The following CCSER1 variants were observed in gnomAD, a reference collection of about 807,000 sequenced individuals.
CCSER1 encodes coiled-coil serine rich protein 1.
CCSER1 carries 41 observed loss-of-function variants against 82.0 expected under a neutral mutation model. The ratio of observed to expected loss-of-function variants is 0.50; its 90% CI spans 0.39 to 0.65. The LOEUF (loss-of-function observed/expected upper bound fraction) is 0.65, where lower values mean the gene tolerates loss of function less well. Among genes scored for constraint, CCSER1 ranks in the 30% least tolerant of loss-of-function variants. The pLI, the probability that CCSER1 is intolerant of heterozygous loss-of-function variation, is 0.00. For missense variants in CCSER1, 1,119 were observed against 1,064.2 expected (o/e 1.05, Z -0.72); for synonymous variants, 414 against 383.9 (o/e 1.08, Z -0.92).
At chr4:90,747,199 A>C (rs1456636803) in intron 7 of CCSER1, among the ~76,000 whole-genome samples, 6 of 152,308 alleles carry the variant, frequency 3.9e-5, no homozygotes, top group South Asian at 2.1e-4. Flanking sequence ...AATCCTAACA[A>C]GGTTATGCAT....
intron 1 of CCSER1, among the ~76,000 whole-genome samples, chr4:90,258,064 C>A (rs1235558008): frequency 2.6e-5 from 4 of 152,126 alleles, no homozygotes; most frequent in Non-Finnish European, 1.5e-5. Flanking sequence ...GTTTTCCTAG[C>A]TGTTAACTCC....
At chr4:90,713,346 G>T (rs540664806) in intron 6 of CCSER1, among the ~76,000 whole-genome samples, 30 of 151,986 alleles carry the variant, frequency 2.0e-4, no homozygotes, top group African/African-American at 7.2e-4. Flanking sequence ...TGGTAGTGAT[G>T]AATTCCCTAA....
intron 10 of CCSER1, among the ~76,000 whole-genome samples, chr4:91,231,565 A>G (rs187560024): frequency 6.6e-6 from 1 of 151,774 alleles, no homozygotes; most frequent in South Asian, 2.1e-4. Context: ...GATGAAATTT[A>G]TTGTGAGGAA....
At chr4:91,202,957 T>A in intron 10 of CCSER1, among the ~76,000 whole-genome samples, 1 of 151,474 alleles carries the variant, frequency 6.6e-6, no homozygotes, top group Non-Finnish European at 1.5e-5. Context: ...ATGTTGTTGT[T>A]AAAGAATATC....
intron 10 of CCSER1, among the ~76,000 whole-genome samples, chr4:91,468,260 A>G (rs569256362): frequency 6.6e-6 from 1 of 152,268 alleles, no homozygotes; most frequent in African/African-American, 2.4e-5. Context: ...GGACAAAAAA[A>G]CCAAACACTG....
At chr4:91,353,347 G>A (rs982641097) in intron 10 of CCSER1, among the ~76,000 whole-genome samples, 18 of 152,322 alleles carry the variant, frequency 1.2e-4, no homozygotes, top group Admixed American at 2.0e-4. Context: ...AGTGGTCAGA[G>A]AGAAACAGAA....
intron 10 of CCSER1, among the ~76,000 whole-genome samples, chr4:91,393,559 G>A (rs1195645032): frequency 6.6e-6 from 1 of 152,010 alleles, no homozygotes; most frequent in Non-Finnish European, 1.5e-5. Context: ...AAGACAAATG[G>A]ATATTCGTTG....
chr4:91,483,275 G>A (rs571601862), intron 10 of CCSER1, among the ~76,000 whole-genome samples: 1 of 152,212 alleles, frequency 6.6e-6, no homozygotes, highest in South Asian at 2.1e-4. Flanking sequence ...AAAAGGGTAA[G>A]AATTTGATGT....
intron 5 of CCSER1, among the ~76,000 whole-genome samples, chr4:90,552,319 G>A (rs1777617493): frequency 6.6e-6 from 1 of 151,930 alleles, no homozygotes; most frequent in South Asian, 2.1e-4. Flanking sequence ...AACTAATGTG[G>A]TATATACTAG....
At chr4:91,434,997 GTTTGT>G (rs1754563741) in intron 10 of CCSER1, among the ~76,000 whole-genome samples, 1 of 152,110 alleles carries the variant, frequency 6.6e-6, no homozygotes. Flanking sequence ...GTTGTTGTTT[GTTTGT>G]TTTGTCTATG....
intron 10 of CCSER1, among the ~76,000 whole-genome samples, chr4:91,114,965 A>C (rs1378096969): frequency 6.6e-6 from 1 of 152,210 alleles, no homozygotes; most frequent in African/African-American, 2.4e-5. Flanking sequence ...TATTTTATAC[A>C]TGCCGTGAGT....
chr4:91,147,455 C>T (rs1729653736), intron 10 of CCSER1, among the ~76,000 whole-genome samples: 1 of 152,246 alleles, frequency 6.6e-6, no homozygotes, highest in South Asian at 2.1e-4. Flanking sequence ...CGCATACCCT[C>T]CTGCACCAGT....
chr4:90,575,350 A>T (rs1463778952), intron 5 of CCSER1, among the ~76,000 whole-genome samples: 1 of 152,162 alleles, frequency 6.6e-6, no homozygotes, highest in Non-Finnish European at 1.5e-5. Context: ...AGAGTAAGAG[A>T]TAGAAAGGAA....
intron 10 of CCSER1, among the ~76,000 whole-genome samples, chr4:91,095,763 T>A (rs1252265486): frequency 6.6e-6 from 1 of 152,158 alleles, no homozygotes; most frequent in Non-Finnish European, 1.5e-5. Flanking sequence ...AGCCCCTTTT[T>A]TCAGCCCTTC....
chr4:90,419,009 T>C (rs566339032), intron 4 of CCSER1, among the ~76,000 whole-genome samples: 3 of 152,154 alleles, frequency 2.0e-5, no homozygotes, highest in South Asian at 4.1e-4. Context: ...AGCACTGTTA[T>C]TTGTGCATGA....
intron 5 of CCSER1, among the ~76,000 whole-genome samples, chr4:90,532,742 G>A (rs966445625): frequency 7.2e-5 from 11 of 151,980 alleles, no homozygotes; most frequent in Non-Finnish European, 1.0e-4. Flanking sequence ...TACATTTAAA[G>A]GAAATTAGTT....
intron 10 of CCSER1, among the ~76,000 whole-genome samples, chr4:91,128,171 G>A (rs991499232): frequency 6.6e-6 from 1 of 151,876 alleles, no homozygotes; most frequent in African/African-American, 2.4e-5. Context: ...TTCTACCCAG[G>A]CCCACGTGTT....
chr4:90,558,631 A>G (rs190468226), intron 5 of CCSER1, among the ~76,000 whole-genome samples: 2 of 152,234 alleles, frequency 1.3e-5, no homozygotes, highest in Admixed American at 1.3e-4. Context: ...CCTACTGCAT[A>G]CCTGGAACTG....
At chr4:90,854,919 A>T (rs1764288297) in intron 8 of CCSER1, among the ~76,000 whole-genome samples, 1 of 152,166 alleles carries the variant, frequency 6.6e-6, no homozygotes, top group African/African-American at 2.4e-5. Context: ...GGGAGGCCTT[A>T]GGAAACTTAT....
Sources: gnomAD v4.1 joint callset for allele counts (sites outside exome capture counted in the v4.1 genomes callset) on GRCh38, gnomAD v4.1.1 for gene constraint, MANE v1.5 for transcripts, NCBI Gene and HGNC (gene_info 2026-07-23, HGNC 2026-07-21) for gene names.